Variants in MLLT3 observed in about 807,000 individuals in gnomAD.
The protein encoded by MLLT3 is MLLT3 super elongation complex subunit.
A neutral mutation model predicts 53.2 loss-of-function variants in MLLT3; 4 were observed. That is an observed-to-expected ratio of 0.08 (90% CI 0.04 to 0.17). The LOEUF is 0.17. MLLT3 is among the 10% of genes least tolerant of loss of function. MLLT3 has a pLI of 1.00. For synonymous variants in MLLT3, 283 were observed against 230.6 expected, an observed-to-expected ratio of 1.23 and a Z score of -2.06; for missense variants, 569 against 684.0, an observed-to-expected ratio of 0.83 and a Z score of 1.87.
intron 2 of MLLT3, among the ~76,000 whole-genome samples, chr9:20,548,626 T>C (rs566989082): frequency 3.2e-4 from 49 of 152,180 alleles, no homozygotes; most frequent in African/African-American, 1.1e-3. Flanking sequence ...CTGTTAAGAG[T>C]AAGATTGAAG....
intron 2 of MLLT3, among the ~76,000 whole-genome samples, chr9:20,480,840 G>C (rs1292050113): frequency 6.6e-6 from 1 of 152,162 alleles, no homozygotes; most frequent in Non-Finnish European, 1.5e-5. Flanking sequence ...TAGATGCTCA[G>C]TTCTTTACTG....
intron 2 of MLLT3, among the ~76,000 whole-genome samples, chr9:20,513,855 T>C (rs1817828944): frequency 6.6e-6 from 1 of 152,240 alleles, no homozygotes; most frequent in African/African-American, 2.4e-5. Flanking sequence ...CATAAAATTA[T>C]AAAAATTCAC....
rs185161072 is a variant in MLLT3, at chr9:20,444,627, C to A, written c.420+3496G>T. 2.0e-5 allele frequency among the ~76,000 whole-genome samples: 3 copies of A among 152,224 alleles called. No homozygotes were observed. In the East Asian group the frequency reaches 5.8e-4, roughly 29 times the overall value. On this transcript the variant is annotated intron_variant, in intron 4 of 10. Transcript: ENST00000380338. Reference sequence around the variant, plus strand: ...GTGACTCACACCTGTAGTTAGAGCACTTTAGGAGGCCGAGGGGGGCTGATC... The same window carrying A: ...GTGACTCACACCTGTAGTTAGAGCAATTTAGGAGGCCGAGGGGGGCTGATC...
At chr9:20,607,068 G>T (rs949543877) in intron 2 of MLLT3, among the ~76,000 whole-genome samples, 1 of 151,832 alleles carries the variant, frequency 6.6e-6, no homozygotes, top group Non-Finnish European at 1.5e-5. Context: ...GTACACTATC[G>T]TCATCTACCA....
At chr9:20,539,986 A>G (rs1368322683) in intron 2 of MLLT3, among the ~76,000 whole-genome samples, 2 of 152,234 alleles carry the variant, frequency 1.3e-5, no homozygotes, top group Non-Finnish European at 2.9e-5. Flanking sequence ...AAAAGGGAAA[A>G]AGTGCCCAAA....
intron 2 of MLLT3, among the ~76,000 whole-genome samples, chr9:20,495,055 C>T (rs1284413714): frequency 6.6e-6 from 1 of 152,156 alleles, no homozygotes; most frequent in East Asian, 1.9e-4. Flanking sequence ...TTCTGTACTT[C>T]ATTCCTGCCA....
chr9:20,522,021 T>A (rs867144299), intron 2 of MLLT3, among the ~76,000 whole-genome samples: 94 of 146,148 alleles, frequency 6.4e-4, no homozygotes, highest in Non-Finnish European at 1.1e-3. Context: ...TTTTTTTTTT[T>A]AACACTCTGA....
At chr9:20,452,228 T>C (rs1823857427) in intron 3 of MLLT3, among the ~76,000 whole-genome samples, 1 of 152,172 alleles carries the variant, frequency 6.6e-6, no homozygotes, top group South Asian at 2.1e-4. Context: ...CCAAATCTCA[T>C]CTTGAATTGT....
chr9:20,347,382 T>C (rs897221788), intron 10 of MLLT3, among the ~76,000 whole-genome samples: 1 of 152,206 alleles, frequency 6.6e-6, no homozygotes, highest in Non-Finnish European at 1.5e-5. Flanking sequence ...AAATATTATC[T>C]AGAAAAAGAA....
Position 20,363,490 on chromosome 9 carries a change from G to A in MLLT3, c.1317C>T (p.Gly439=). 2.5e-6 allele frequency: 4 copies of A among 1,613,548 alleles called. No individual in the cohort carries two copies. The highest frequency in any genetic ancestry group is 2.5e-6 in the Non-Finnish European group (3 of 1,179,738). Residue 439 remains glycine, a synonymous_variant, in exon 7 of 11, where the codon GGC becomes GGT. Transcript: ENST00000380338. ...SEMERPVNRG[G]SRSRRVSLSD... ...AAGATACTCACCTGCGACTTCGGCT[G>A]CCTCCTCTATTTACAGGCCTCTCCA...
chr9:20,507,536 T>C (rs1209523857), intron 2 of MLLT3, among the ~76,000 whole-genome samples: 1 of 152,156 alleles, frequency 6.6e-6, no homozygotes, highest in Non-Finnish European at 1.5e-5. Context: ...GGTTTCCTCC[T>C]TTCTTCCCAA....
chr9:20,485,519 A>G (rs6475440), intron 2 of MLLT3, among the ~76,000 whole-genome samples: 110,360 of 152,132 alleles, frequency 0.73, 40,124 homozygotes, highest in Middle Eastern at 0.86. Context: ...CGAATAATTC[A>G]TTTACTATAA....
intron 5 of MLLT3, among the ~76,000 whole-genome samples, chr9:20,371,155 T>C (rs1010688367): frequency 2.6e-5 from 4 of 152,186 alleles, no homozygotes; most frequent in South Asian, 2.1e-4. Context: ...GACAAAAAGT[T>C]TGATGCTAGC....
chr9:20,501,436 T>A (rs1348929907), intron 2 of MLLT3, among the ~76,000 whole-genome samples: 1 of 152,096 alleles, frequency 6.6e-6, no homozygotes, highest in African/African-American at 2.4e-5. Flanking sequence ...GGAGCCCTCA[T>A]TAAGACCTAG....
At chr9:20,401,969 G>A (rs867313259) in intron 5 of MLLT3, among the ~76,000 whole-genome samples, 11 of 152,178 alleles carry the variant, frequency 7.2e-5, no homozygotes, top group Admixed American at 2.0e-4. Context: ...TTTGAGAATA[G>A]TTGGCGTTGA....
intron 2 of MLLT3, among the ~76,000 whole-genome samples, chr9:20,576,417 C>A (rs1236073683): frequency 6.6e-6 from 1 of 152,170 alleles, no homozygotes; most frequent in African/African-American, 2.4e-5. Context: ...CACAAGAGAT[C>A]TAGGTTTTGG....
chr9:20,395,014 A>T (rs1822284407), intron 5 of MLLT3, among the ~76,000 whole-genome samples: 1 of 152,050 alleles, frequency 6.6e-6, no homozygotes, highest in Non-Finnish European at 1.5e-5. Flanking sequence ...AAAGGGCGTA[A>T]TCTCCCCTAT....
In MLLT3 at chr9:20,414,312, ACTG is replaced by A. The variant is rs747298605; in HGVS notation, c.531_533del (p.Ser190del). ...TGCTGCTGCTGCTACTGCTGCTGCTACTGCTGCTGCTGCTGCTGCTGCTGCTGC... is the reference window on the plus strand; with the variant it reads ...TGCTGCTGCTGCTACTGCTGCTGCTACTGCTGCTGCTGCTGCTGCTGCTGC... On this transcript the variant is annotated inframe_deletion, in exon 5 of 11. Coordinates refer to ENST00000380338, the MANE Select transcript of MLLT3 (RefSeq NM_004529.4). 4.1e-4 allele frequency: 612 copies of A among 1,486,840 alleles called. No homozygotes were observed. Among genetic ancestry groups the A allele is most frequent in the East Asian group, 3.7e-3 (144 of 38,516 alleles). The allele number at this position is 1,486,840 out of a possible 1,614,324, so 92.1% of individuals were successfully genotyped here.
intron 2 of MLLT3, among the ~76,000 whole-genome samples, chr9:20,461,130 C>G (rs1330783031): frequency 6.6e-6 from 1 of 152,174 alleles, no homozygotes; most frequent in Non-Finnish European, 1.5e-5. Flanking sequence ...CATGTAAGGT[C>G]TATTAGGATA....
Sources: allele counts gnomAD v4.1 joint callset (sites outside exome capture counted in the v4.1 genomes callset), GRCh38; gene constraint gnomAD v4.1.1; transcripts MANE v1.5; gene names NCBI Gene and HGNC (gene_info 2026-07-23, HGNC 2026-07-21).